Variants in SLC25A41 observed in about 807,000 individuals in gnomAD.
The protein encoded by SLC25A41 is mitochondrial carrier protein SCaMC-3L.
In SLC25A41, 35 loss-of-function variants were observed where a neutral mutation model predicts 34.7. The ratio of observed to expected loss-of-function variants is 1.01; its 90% CI spans 0.77 to 1.34. The LOEUF (loss-of-function observed/expected upper bound fraction) is 1.34, where lower values mean the gene tolerates loss of function less well. SLC25A41 is among the 40% of genes most tolerant of loss of function. SLC25A41 has a pLI of 0.00. For synonymous variants in SLC25A41, 190 were observed against 209.9 expected, an observed-to-expected ratio of 0.91 and a Z score of 0.82; for missense variants, 492 against 489.8, an observed-to-expected ratio of 1.00 and a Z score of -0.04.
chr19:6,429,888 C>T, intron 3 of SLC25A41, 57 bp from the exon 4 acceptor site: 12 of 1,594,370 alleles, frequency 7.5e-6, no homozygotes, highest in South Asian at 4.5e-5. Context: ...ACACAAAACC[C>T]GCGCAGGGAA....
At chr19:6,430,869 A>G (rs545023871) in intron 2 of SLC25A41, among the ~76,000 whole-genome samples, 56 of 152,200 alleles carry the variant, frequency 3.7e-4, no homozygotes, top group African/African-American at 1.3e-3. Context: ...GCCGGAATGC[A>G]GTGGTGCAAT....
At position 6,427,990 on chromosome 19, in the gene SLC25A41, TG is replaced by T. The variant is rs978122627; in HGVS notation, c.625-490del. On this transcript the variant is annotated intron_variant, in intron 4 of 6. Transcript: ENST00000321510. This position sits in a 1 kb window ranked among gnomAD's most constrained non-coding sequence, Gnocchi z 4.9. ...ACTTTATGGCAAAAAGATCAAGCACTGGGGGGAAAGAAAGAGAGTGAATAGG... is the reference window on the plus strand; with the variant it reads ...ACTTTATGGCAAAAAGATCAAGCACTGGGGGAAAGAAAGAGAGTGAATAGG... Among the ~76,000 whole-genome samples, 1 of 151,942 alleles carries T rather than the reference TG, an allele frequency of 6.6e-6. No homozygotes were observed. The highest frequency in any genetic ancestry group is 2.1e-4 in the South Asian group (1 of 4,812).
intron 6 of SLC25A41, 44 bp from the exon 7 acceptor site, chr19:6,426,605 G>A (rs368346983): frequency 2.5e-6 from 4 of 1,591,184 alleles, no homozygotes; most frequent in East Asian, 2.2e-5. Flanking sequence ...AGAGATGACC[G>A]GGCCTCCTAG....
chr19:6,430,593 T>C, intron 2 of SLC25A41: 1 of 349,784 alleles, frequency 2.9e-6, no homozygotes, highest in Non-Finnish European at 5.6e-6. Context: ...GTTCAGGCGA[T>C]TCTCCTGCCT....
chr19:6,435,619 G>A (rs1052807644), upstream of SLC25A41, among the ~76,000 whole-genome samples: 6 of 152,264 alleles, frequency 3.9e-5, no homozygotes, highest in African/African-American at 1.2e-4. Context: ...CTACTCAGGA[G>A]GCTGAGGCGG....
rs751481408 is a variant in SLC25A41 at position 6,426,536 on chromosome 19, G to T, written c.966C>A (p.Thr322=). 7 of 1,613,186 alleles carry T rather than the reference G, an allele frequency of 4.3e-6. No homozygotes were observed. In the South Asian group the frequency reaches 6.6e-5, roughly 15 times the overall value. Residue 322 remains threonine, a synonymous_variant, in exon 7 of 7, where the codon ACC becomes ACA. Coordinates refer to ENST00000321510, the MANE Select transcript of SLC25A41 (RefSeq NM_173637.4). The part of the protein sequence containing the change: ...AQDTVEGSNP[T]MRGVLQRILA... ...GGATCCGCTGGAGGACTCCGCGCAT[G>T]GTGGGATTTGAGCCCTCCACGGTAT... is the stretch of plus-strand genomic sequence containing the variant.
At chr19:6,431,942 G>T in intron 2 of SLC25A41, 107 bp downstream of exon 2, 1 of 1,363,110 alleles carries the variant, frequency 7.3e-7, no homozygotes, top group Non-Finnish European at 9.9e-7. Flanking sequence ...ACTCCAGCCA[G>T]CACTCCTATC....
At chr19:6,429,360 A>AAGG (rs1367463838) in intron 4 of SLC25A41, among the ~76,000 whole-genome samples, 2 of 3,750 alleles carry the variant, frequency 5.3e-4, no homozygotes, top group Non-Finnish European at 1.3e-3. Flanking sequence ...AGGAGGGAGA[A>AAGG]AGGAGGAGGG....
chr19:6,436,217 G>A (rs2092312544), upstream of SLC25A41: 3 of 283,040 alleles, frequency 1.1e-5, no homozygotes, highest in South Asian at 1.0e-4. Flanking sequence ...GAGCCGCTGA[G>A]CCGGCTGTTC....
intron 1 of SLC25A41, among the ~76,000 whole-genome samples, chr19:6,433,239 G>A (rs1330010291): frequency 6.6e-6 from 1 of 151,904 alleles, no homozygotes; most frequent in African/African-American, 2.4e-5. Flanking sequence ...AGTAGAGATA[G>A]GGTTTCGGCA....
intron 1 of SLC25A41, among the ~76,000 whole-genome samples, chr19:6,433,144 G>A (rs1256428522): frequency 6.6e-6 from 1 of 152,022 alleles, no homozygotes; most frequent in Non-Finnish European, 1.5e-5. Flanking sequence ...TACCTCCTGA[G>A]TTCAAGCGAT....
chr19:6,426,365 A>G lies in SLC25A41; in HGVS notation c.*24T>C, dbSNP rs751913377. On this transcript the variant is annotated 3_prime_UTR_variant, in exon 7 of 7. Coordinates refer to ENST00000321510, the MANE Select transcript of SLC25A41 (RefSeq NM_173637.4). ...AGGTCCTCCTGTCCCATTTCTGCCT[A>G]GGCTGTGTCGTCCAGCTCACAGCCT... 6.2e-7 allele frequency: 1 copy of G among 1,603,184 alleles called. No homozygotes were observed. The highest frequency in any genetic ancestry group is 2.2e-5 in the East Asian group (1 of 44,492).
chr19:6,429,325 A>G (rs1222530841), intron 4 of SLC25A41, among the ~76,000 whole-genome samples: 3 of 44,680 alleles, frequency 6.7e-5, no homozygotes, highest in South Asian at 8.0e-4. Context: ...AGAGGAGGAG[A>G]AAGAGGTAAA....
rs60397623 is a variant in SLC25A41, at chr19:6,428,723, T to A, written c.624+1001A>T. On this transcript the variant is annotated intron_variant, in intron 4 of 6. Transcript: ENST00000321510. ...ATATAAAACATATATATATATATAT[T>A]TTTTTTGAGACAGGGTCTCCCTCTA... 2.5e-3 allele frequency among the ~76,000 whole-genome samples: 354 copies of A among 142,802 alleles called. 3 individuals carry two copies. Among genetic ancestry groups the A allele is most frequent in the African/African-American group, 7.4e-3 (298 of 40,008 alleles). 93.7% of individuals were successfully genotyped at this position (142,802 alleles called of 152,430 possible).
At chr19:6,435,871 A>T (rs974478638), upstream of SLC25A41, among the ~76,000 whole-genome samples, 2 of 152,094 alleles carry the variant, frequency 1.3e-5, no homozygotes, top group Admixed American at 6.6e-5. Flanking sequence ...AAACAAAAAA[A>T]GTAGTCAGGC....
At position 6,426,281 on chromosome 19, in the gene SLC25A41, A is replaced by T. The variant is rs2092239483; in HGVS notation, c.*108T>A. ...ACCCCCAGCCTGCTTTTGCCACCAA[A>T]AACTGCCCCAGGGCCTGAACCTTGA... is the stretch of plus-strand genomic sequence containing the variant. On this transcript the variant is annotated 3_prime_UTR_variant, in exon 7 of 7. Transcript: ENST00000321510. 1.1e-6 allele frequency: 1 copy of T among 874,624 alleles called. No individual in the cohort carries two copies. The highest frequency in any genetic ancestry group is 2.6e-5 in the South Asian group (1 of 39,016). 54.2% of individuals were successfully genotyped at this position (874,624 alleles called of 1,614,324 possible).
At position 6,430,023 on chromosome 19, in the gene SLC25A41, AGAACTTGATG is replaced by A. The variant is rs762823438; in HGVS notation, c.492_501del (p.Ile165ProfsTer43). ...TCATTCCCCACCTGCTCGAATACGGAGAACTTGATGGCATACTCAGGAGCAATCTTGAGCA... is the reference window on the plus strand; with the variant it reads ...TCATTCCCCACCTGCTCGAATACGGAGCATACTCAGGAGCAATCTTGAGCA... On this transcript the variant is annotated frameshift_variant, in exon 3 of 7. Transcript: ENST00000321510. LOFTEE classifies it high-confidence loss of function. The A allele has an allele frequency of 8.1e-6, 13 of 1,612,418 alleles. No homozygotes were observed. The Admixed American group carries it at 2.2e-4, about 27-fold the overall frequency.
At chr19:6,429,957 C>T (rs1338612235) in intron 3 of SLC25A41, 52 bp downstream of exon 3, 6 of 1,598,704 alleles carry the variant, frequency 3.8e-6, no homozygotes, top group Admixed American at 1.8e-5. Context: ...GTTTTGGGGG[C>T]ATGGGAGGGG....
At chr19:6,431,736 C>A (rs1422106645) in intron 2 of SLC25A41, among the ~76,000 whole-genome samples, 7 of 152,140 alleles carry the variant, frequency 4.6e-5, no homozygotes. Context: ...AGCCACTGCA[C>A]CTGGCCCCTA....
Sources: allele counts gnomAD v4.1 joint callset (sites outside exome capture counted in the v4.1 genomes callset), GRCh38; gene constraint gnomAD v4.1.1; non-coding constraint Gnocchi (gnomAD v3.1); transcripts MANE v1.5; gene names NCBI Gene and HGNC (gene_info 2026-07-23, HGNC 2026-07-21).